LRP1B: variants seen among roughly 807,000 people sequenced by gnomAD.
LRP1B encodes the protein low-density lipoprotein receptor-related protein 1B.
Under a neutral mutation model 556.6 loss-of-function variants are expected in LRP1B, and 217 were observed. The observed-to-expected ratio is 0.39, with a 90% CI of 0.35 to 0.44. The LOEUF (loss-of-function observed/expected upper bound fraction) is 0.44. Ranked by LOEUF, LRP1B falls within the 20% of genes least tolerant of loss-of-function variation. The pLI is 1.00. For missense variants in LRP1B, 5,053 were observed against 5,620.8 expected, an observed-to-expected ratio of 0.90 and a Z score of 3.23; for synonymous variants, 2,047 against 1,865.8, an observed-to-expected ratio of 1.10 and a Z score of -2.50.
intron 1 of LRP1B, among the ~76,000 whole-genome samples, chr2:141,869,061 A>C (rs1470801625): frequency 6.6e-6 from 1 of 152,082 alleles, no homozygotes; most frequent in Non-Finnish European, 1.5e-5. Context: ...GTTTGCTCGG[A>C]GAGTTAATCA....
intron 7 of LRP1B, among the ~76,000 whole-genome samples, chr2:141,156,829 A>G (rs527981564): frequency 6.6e-6 from 1 of 152,258 alleles, no homozygotes; most frequent in South Asian, 2.1e-4. Context: ...CAAAGTCTGG[A>G]AACAAAGTAA....
intron 31 of LRP1B, among the ~76,000 whole-genome samples, chr2:140,824,644 G>A (rs749642806): frequency 2.0e-4 from 30 of 152,042 alleles, no homozygotes; most frequent in Admixed American, 8.5e-4. Context: ...CATAATATTT[G>A]TACCCTATAT....
chr2:140,618,692 TG>T, intron 41 of LRP1B, among the ~76,000 whole-genome samples: 1 of 152,214 alleles, frequency 6.6e-6, no homozygotes, highest in African/African-American at 2.4e-5. Flanking sequence ...TAAACAAGTT[TG>T]TAAGTTTATT....
intron 22 of LRP1B, among the ~76,000 whole-genome samples, chr2:140,906,892 G>A (rs1389438753): frequency 6.7e-6 from 1 of 149,242 alleles, no homozygotes; most frequent in Non-Finnish European, 1.5e-5. Context: ...TAGCCTCATC[G>A]AATGAAGACT....
At chr2:140,752,789 C>T (rs1376160865) in intron 35 of LRP1B, among the ~76,000 whole-genome samples, 3 of 151,810 alleles carry the variant, frequency 2.0e-5, no homozygotes, top group Non-Finnish European at 2.9e-5. Context: ...TTCATATATC[C>T]CTTGCTTCCA....
chr2:140,768,450 A>G (rs1312371362), intron 35 of LRP1B, among the ~76,000 whole-genome samples: 1 of 151,964 alleles, frequency 6.6e-6, no homozygotes. Context: ...CAGAAAACAT[A>G]CGATTTAGCA....
At chr2:141,959,912 A>G (rs1266713039) in intron 1 of LRP1B, among the ~76,000 whole-genome samples, 1 of 151,966 alleles carries the variant, frequency 6.6e-6, no homozygotes, top group African/African-American at 2.4e-5. Context: ...TAAGACAGGT[A>G]GTCATCAACT....
chr2:141,899,315 A>T (rs374228743), intron 1 of LRP1B, among the ~76,000 whole-genome samples: 4 of 152,252 alleles, frequency 2.6e-5, no homozygotes, highest in South Asian at 2.1e-4. Context: ...TTTTCTAAAA[A>T]TTCAAAAGTG....
intron 1 of LRP1B, among the ~76,000 whole-genome samples, chr2:141,950,471 T>C (rs966468111): frequency 6.6e-6 from 1 of 152,142 alleles, no homozygotes; most frequent in Admixed American, 6.5e-5. Flanking sequence ...TATGAATTAT[T>C]TCCTTTGATG....
intron 25 of LRP1B, among the ~76,000 whole-genome samples, chr2:140,878,685 A>T (rs1342018424): frequency 6.6e-6 from 1 of 152,042 alleles, no homozygotes; most frequent in East Asian, 1.9e-4. Flanking sequence ...CTCCACAAAC[A>T]AGGGCCAGTA....
intron 59 of LRP1B, among the ~76,000 whole-genome samples, chr2:140,482,065 A>G (rs1688268047): frequency 1.3e-5 from 2 of 152,160 alleles, no homozygotes; most frequent in African/African-American, 4.8e-5. Flanking sequence ...CTCTACCTTA[A>G]AAGTTATTGT....
rs146305272 is a variant in LRP1B at position 141,863,114 on chromosome 2, T to C, written c.83-52713A>G. On this transcript the variant is annotated intron_variant, in intron 1 of 90. Coordinates refer to ENST00000389484, the MANE Select transcript of LRP1B (RefSeq NM_018557.3). ...TTGCCCACTGGATGAAAAGCTACTT[T>C]GGGCTATTATTTAAATGGTTATATA... Among the ~76,000 whole-genome samples the C allele has an allele frequency of 2.8e-3, 433 of 152,314 alleles. 3 individuals are homozygous for C. The highest frequency in any genetic ancestry group is 9.9e-3 in the African/African-American group (411 of 41,572).
intron 1 of LRP1B, among the ~76,000 whole-genome samples, chr2:141,962,419 C>G (rs186834177): frequency 4.0e-5 from 6 of 151,856 alleles, no homozygotes; most frequent in Admixed American, 3.9e-4. Context: ...TTCATCCTTT[C>G]CCACCATAGC....
At chr2:140,345,060 T>G (rs1429974594) in intron 77 of LRP1B, among the ~76,000 whole-genome samples, 8 of 151,756 alleles carry the variant, frequency 5.3e-5, no homozygotes. Context: ...GGTTTCTCAA[T>G]TTCACTGCTG....
intron 11 of LRP1B, among the ~76,000 whole-genome samples, chr2:141,034,513 G>GA: frequency 6.6e-6 from 1 of 151,824 alleles, no homozygotes; most frequent in South Asian, 2.1e-4. Flanking sequence ...AAATTTACAA[G>GA]AAAAAAACAA....
intron 7 of LRP1B, among the ~76,000 whole-genome samples, chr2:141,132,273 T>TA (rs1553464770): frequency 2.0e-5 from 3 of 152,012 alleles, no homozygotes; most frequent in Non-Finnish European, 4.4e-5. Flanking sequence ...ATGAATGGCT[T>TA]GGTCTTGTTC....
chr2:141,202,836 C>G (rs72981945), intron 6 of LRP1B, among the ~76,000 whole-genome samples: 7 of 151,974 alleles, frequency 4.6e-5, no homozygotes, highest in African/African-American at 1.7e-4. Flanking sequence ...CCCATCAACC[C>G]GTCACCTACA....
intron 41 of LRP1B, among the ~76,000 whole-genome samples, chr2:140,606,343 C>A (rs896305639): frequency 2.0e-5 from 3 of 151,748 alleles, no homozygotes; most frequent in Non-Finnish European, 4.4e-5. Flanking sequence ...TGCACCCAAA[C>A]TACAGCACAT....
At chr2:142,084,043 G>T (rs906268333) in intron 1 of LRP1B, among the ~76,000 whole-genome samples, 1 of 150,408 alleles carries the variant, frequency 6.6e-6, no homozygotes, top group South Asian at 2.1e-4. Context: ...GCAGTGGTGC[G>T]ATCTTGGCTC....
Sources: gnomAD v4.1 joint callset for allele counts (sites outside exome capture counted in the v4.1 genomes callset) on GRCh38, gnomAD v4.1.1 for gene constraint, MANE v1.5 for transcripts, NCBI Gene and HGNC (gene_info 2026-07-23, HGNC 2026-07-21) for gene names.